PRKG1: variants seen among roughly 807,000 people sequenced by gnomAD.
PRKG1 encodes the protein protein kinase cGMP-dependent 1, also known as cGMP-dependent protein kinase 1.
Under a neutral mutation model 88.1 loss-of-function variants are expected in PRKG1, and 35 were observed. The ratio of observed to expected loss-of-function variants is 0.40; its 90% confidence interval spans 0.30 to 0.53. The LOEUF (loss-of-function observed/expected upper bound fraction) is 0.53, where lower values mean the gene tolerates loss of function less well. Among genes scored for constraint, PRKG1 ranks in the 20% least tolerant of loss-of-function variants. The probability of loss-of-function intolerance (pLI) is 0.59; values close to 1 mark genes in which losing one functional copy is unlikely to be tolerated. For missense variants in PRKG1, 540 were observed against 839.8 expected (o/e 0.64, Z 4.41); for synonymous variants, 303 against 292.5 (o/e 1.04, Z -0.37).
At chr10:52,113,122 G>A (rs1220944093) in intron 7 of PRKG1, among the ~76,000 whole-genome samples, 15 of 152,130 alleles carry the variant, frequency 9.9e-5, no homozygotes, top group African/African-American at 7.2e-5. Flanking sequence ...GAGTTTGAAT[G>A]TGCAAAGACC....
chr10:51,842,635 A>T (rs969902379), intron 4 of PRKG1, among the ~76,000 whole-genome samples: 1 of 152,178 alleles, frequency 6.6e-6, no homozygotes, highest in Admixed American at 6.6e-5. Context: ...TGATATTGCC[A>T]CTAGAATTTT....
At chr10:51,124,127 A>G (rs2131921497) in intron 1 of PRKG1, among the ~76,000 whole-genome samples, 2 of 152,274 alleles carry the variant, frequency 1.3e-5, no homozygotes, top group Admixed American at 1.3e-4. Flanking sequence ...CATTCCTCAG[A>G]GAAGATATGA....
intron 3 of PRKG1, among the ~76,000 whole-genome samples, chr10:51,770,828 A>AT (rs1838285841): frequency 6.6e-6 from 1 of 152,226 alleles, no homozygotes; most frequent in Admixed American, 6.5e-5. Context: ...AACTACTGCT[A>AT]TAAGAGACAG....
intron 3 of PRKG1, among the ~76,000 whole-genome samples, chr10:51,674,056 A>G (rs999503432): frequency 6.6e-6 from 1 of 152,172 alleles, no homozygotes; most frequent in Non-Finnish European, 1.5e-5. Flanking sequence ...ATACCAAGAG[A>G]CTTTTGTCTC....
At chr10:51,293,069 A>C (rs964425519) in intron 2 of PRKG1, among the ~76,000 whole-genome samples, 1 of 152,098 alleles carries the variant, frequency 6.6e-6, no homozygotes, top group Non-Finnish European at 1.5e-5. Context: ...TTGAGGTATG[A>C]TTGAAAAACG....
At chr10:51,684,373 A>G (rs1450538199) in intron 3 of PRKG1, among the ~76,000 whole-genome samples, 1 of 152,120 alleles carries the variant, frequency 6.6e-6, no homozygotes, top group African/African-American at 2.4e-5. Context: ...TTCTGGGGTG[A>G]TGAATATGTT....
At chr10:52,062,883 T>A (rs562039322) in intron 7 of PRKG1, 27 of 695,802 alleles carry the variant, frequency 3.9e-5, no homozygotes, top group Admixed American at 3.2e-4. Flanking sequence ...CAGGTTTGTG[T>A]CCTTAATTGC....
intron 3 of PRKG1, among the ~76,000 whole-genome samples, chr10:51,585,973 A>T (rs528377402): frequency 1.3e-5 from 2 of 152,108 alleles, no homozygotes; most frequent in African/African-American, 4.8e-5. Flanking sequence ...GGGGACTAGT[A>T]GAGTGGGGAG....
chr10:51,496,612 G>T (rs565537932), intron 3 of PRKG1, among the ~76,000 whole-genome samples: 11 of 152,114 alleles, frequency 7.2e-5, no homozygotes. Flanking sequence ...TTCCCAAGGT[G>T]CTCACTGAGT....
intron 1 of PRKG1, among the ~76,000 whole-genome samples, chr10:51,149,273 T>C (rs1846007851): frequency 1.3e-5 from 2 of 152,176 alleles, no homozygotes; most frequent in South Asian, 4.1e-4. Flanking sequence ...ATTTACATAT[T>C]GCTAGCCTAC....
rs184046446 is a variant in PRKG1, at chr10:51,495,947, T to G, written c.592+28111T>G. ...AAAAATAAAGTAATAGAGACACAAGTTTTAAGCTGTTTTGTATAAATTAAT... is the reference window on the plus strand; with the variant it reads ...AAAAATAAAGTAATAGAGACACAAGGTTTAAGCTGTTTTGTATAAATTAAT... On this transcript the variant is annotated intron_variant, in intron 3 of 17. Transcript: ENST00000373980. Among the ~76,000 whole-genome samples, 276 of 152,282 alleles carry G rather than the reference T, an allele frequency of 1.8e-3. 2 individuals are homozygous for G. The highest frequency in any genetic ancestry group is 6.5e-3 in the African/African-American group (272 of 41,560).
chr10:52,047,924 TAACTC>T lies in PRKG1; in HGVS notation c.763-6558_763-6554del, dbSNP rs369793952. Reference sequence around the variant, plus strand: ...GACCCAAGATCATATTGATTAATCTTAACTCAGCAGATTTCCAATGATTATTCTGT... The same window carrying T: ...GACCCAAGATCATATTGATTAATCTTAGCAGATTTCCAATGATTATTCTGT... On this transcript the variant is annotated intron_variant, in intron 5 of 17. Coordinates refer to ENST00000373980, the MANE Select transcript of PRKG1 (RefSeq NM_006258.4). Among the ~76,000 whole-genome samples the T allele has an allele frequency of 5.9e-5, 9 of 152,250 alleles. No homozygotes were observed. In the East Asian group the frequency reaches 1.5e-3, roughly 26 times the overall value.
intron 3 of PRKG1, among the ~76,000 whole-genome samples, chr10:51,520,228 A>T (rs1377468902): frequency 1.3e-5 from 2 of 149,568 alleles, no homozygotes; most frequent in African/African-American, 4.9e-5. Context: ...AATTAAATGT[A>T]TATTGTGTAT....
intron 1 of PRKG1, among the ~76,000 whole-genome samples, chr10:51,014,214 G>A (rs889287688): frequency 6.6e-6 from 1 of 151,984 alleles, no homozygotes; most frequent in South Asian, 2.1e-4. Flanking sequence ...AATCTGCCAT[G>A]TTGCTTCCTG....
intron 4 of PRKG1, among the ~76,000 whole-genome samples, chr10:51,807,216 C>T (rs77056806): frequency 0.018 from 2,697 of 152,264 alleles, 65 homozygotes; most frequent in African/African-American, 0.06. Flanking sequence ...TAATTTTCAG[C>T]ACTCATTGAA....
chr10:51,150,543 G>A (rs890486659), intron 1 of PRKG1, among the ~76,000 whole-genome samples: 1 of 152,106 alleles, frequency 6.6e-6, no homozygotes, highest in Admixed American at 6.6e-5. Context: ...CTATCTTGCT[G>A]CGAGAGCAGA....
rs188780726 is a variant in PRKG1 at position 51,572,776 on chromosome 10, A to G, written c.592+104940A>G. Among the ~76,000 whole-genome samples the G allele has an allele frequency of 4.7e-3, 701 of 148,916 alleles. 6 individuals carry two copies. The highest frequency in any genetic ancestry group is 0.017 in the African/African-American group (659 of 38,592). ...TGCACGATAGCTTGAGAACCACTGGACTGGCTTTTAATTTTTCTAACACCT... is the reference window on the plus strand; with the variant it reads ...TGCACGATAGCTTGAGAACCACTGGGCTGGCTTTTAATTTTTCTAACACCT... On this transcript the variant is annotated intron_variant, in intron 3 of 17. Coordinates refer to ENST00000373980, the MANE Select transcript of PRKG1 (RefSeq NM_006258.4).
intron 2 of PRKG1, among the ~76,000 whole-genome samples, chr10:51,328,977 A>C (rs571672772): frequency 6.6e-6 from 1 of 152,096 alleles, no homozygotes; most frequent in Non-Finnish European, 1.5e-5. Context: ...TTTCTTACAT[A>C]TTTTAGGCAT....
At chr10:51,950,338 A>G (rs757490869) in intron 5 of PRKG1, among the ~76,000 whole-genome samples, 6 of 152,280 alleles carry the variant, frequency 3.9e-5, no homozygotes, top group South Asian at 2.1e-4. Flanking sequence ...GTGATAAACT[A>G]CAGATCACCA....
Sources: allele counts gnomAD v4.1 joint callset (sites outside exome capture counted in the v4.1 genomes callset), GRCh38; gene constraint gnomAD v4.1.1; transcripts MANE v1.5; gene names NCBI Gene and HGNC (gene_info 2026-07-23, HGNC 2026-07-21).